Variants in PAPSS1 observed in about 807,000 individuals in gnomAD.
The protein encoded by PAPSS1 is bifunctional 3'-phosphoadenosine 5'-phosphosulfate synthase 1.
Under a neutral mutation model 72.0 loss-of-function variants are expected in PAPSS1, and 50 were observed. The observed-to-expected ratio is 0.69, with a 90% CI of 0.55 to 0.88. The LOEUF (loss-of-function observed/expected upper bound fraction) is 0.88. Among genes scored for constraint, PAPSS1 ranks in the 40% least tolerant of loss-of-function variants. The pLI is 0.00. For missense variants in PAPSS1, 657 were observed against 782.2 expected, an observed-to-expected ratio of 0.84 and a Z score of 1.91; for synonymous variants, 261 against 263.6, an observed-to-expected ratio of 0.99 and a Z score of 0.09.
chr4:107,713,877 C>T (rs1002888757), intron 1 of PAPSS1, among the ~76,000 whole-genome samples: 3 of 152,212 alleles, frequency 2.0e-5, no homozygotes, highest in Non-Finnish European at 4.4e-5. Context: ...TGCATTCATC[C>T]AAAGACAGAT....
rs771111890 is a variant in PAPSS1 at position 107,644,953 on chromosome 4, TGGA to T, written c.1352_1354del (p.Leu451del). The stretch of plus-strand genomic sequence containing the variant: ...ATCCTTTGTCCAGCCACCCAGAGGG[TGGA>T]GGAGGAGGACAGGGCGCCGGTAGCC... On this transcript the variant is annotated inframe_deletion, in exon 10 of 12. Transcript: ENST00000265174. 7 of 1,613,806 alleles carry T rather than the reference TGGA, an allele frequency of 4.3e-6. No homozygotes were observed. The highest frequency in any genetic ancestry group is 2.7e-5 in the African/African-American group (2 of 74,968).
At chr4:107,653,464 T>C (rs1372116309) in intron 9 of PAPSS1, 27 bp downstream of exon 9, 1 of 1,602,588 alleles carries the variant, frequency 6.2e-7, no homozygotes, top group Admixed American at 1.7e-5. Context: ...AGCCGGCCTA[T>C]ATTAGGTAAT....
intron 11 of PAPSS1, among the ~76,000 whole-genome samples, chr4:107,617,160 G>C (rs1725845144): frequency 6.7e-6 from 1 of 150,196 alleles, no homozygotes; most frequent in Admixed American, 6.6e-5. Context: ...TTTGTTATCT[G>C]TGTGCTCAAT....
At chr4:107,690,248 T>A (rs1029574048) in intron 3 of PAPSS1, among the ~76,000 whole-genome samples, 1 of 152,194 alleles carries the variant, frequency 6.6e-6, no homozygotes, top group African/African-American at 2.4e-5. Context: ...ACCTAGCCTC[T>A]GCAAATTGAT....
intron 2 of PAPSS1, among the ~76,000 whole-genome samples, chr4:107,699,797 A>G (rs1723163670): frequency 6.6e-6 from 1 of 152,202 alleles, no homozygotes; most frequent in African/African-American, 2.4e-5. Flanking sequence ...GAAAGTATGA[A>G]CCAAATATAT....
chr4:107,708,876 GACAA>G lies in PAPSS1; in HGVS notation c.61-7595_61-7592del, dbSNP rs561679648. On this transcript the variant is annotated intron_variant, in intron 1 of 11. Transcript: ENST00000265174. ...TATGTACTAAACTAACCTAGCTGGA[GACAA>G]ACAGACTGTATCCACCCTTGTGCCA... Among the ~76,000 whole-genome samples the G allele has an allele frequency of 9.8e-5, 15 of 152,350 alleles. No homozygotes were observed. The South Asian group carries it at 2.9e-3, about 29-fold the overall frequency.
At chr4:107,689,225 C>T (rs957121182) in intron 3 of PAPSS1, among the ~76,000 whole-genome samples, 19 of 152,148 alleles carry the variant, frequency 1.2e-4, no homozygotes, top group African/African-American at 4.3e-4. Flanking sequence ...GGGTAAAATC[C>T]GAGTTTCTTA....
intron 11 of PAPSS1, 54 bp downstream of exon 11, chr4:107,631,577 A>G: frequency 8.1e-7 from 1 of 1,241,252 alleles, no homozygotes; most frequent in Non-Finnish European, 1.2e-6. Context: ...AATCCCTGGG[A>G]GCAGCTAGAC....
intron 2 of PAPSS1, among the ~76,000 whole-genome samples, chr4:107,698,146 CA>C (rs1189009578): frequency 1.3e-5 from 2 of 152,026 alleles, no homozygotes; most frequent in Non-Finnish European, 2.9e-5. Flanking sequence ...TGTAGAAACA[CA>C]AAACAACAAA....
chr4:107,621,500 T>C (rs1041050004), intron 11 of PAPSS1, among the ~76,000 whole-genome samples: 1 of 151,824 alleles, frequency 6.6e-6, no homozygotes. Flanking sequence ...GTTGACCTCT[T>C]AGGGGGCACT....
chr4:107,702,569 G>A (rs971937927), intron 1 of PAPSS1, among the ~76,000 whole-genome samples: 5 of 152,044 alleles, frequency 3.3e-5, no homozygotes, highest in Non-Finnish European at 7.3e-5. Flanking sequence ...TTCTACAGGT[G>A]CAACTTTTTT....
chr4:107,660,511 C>T (rs1049042012), intron 5 of PAPSS1, among the ~76,000 whole-genome samples: 3 of 152,154 alleles, frequency 2.0e-5, no homozygotes, highest in Non-Finnish European at 4.4e-5. Flanking sequence ...ACCCAAGCAA[C>T]ACGGTATTCT....
At chr4:107,636,011 G>A (rs2726142) in intron 10 of PAPSS1, among the ~76,000 whole-genome samples, 10,669 of 152,162 alleles carry the variant, frequency 0.07, 410 homozygotes, top group East Asian at 0.1. Flanking sequence ...GCATGTGAGT[G>A]CACAGTGATT....
intron 5 of PAPSS1, among the ~76,000 whole-genome samples, chr4:107,675,866 A>T (rs1024232512): frequency 6.6e-6 from 1 of 152,234 alleles, no homozygotes; most frequent in Non-Finnish European, 1.5e-5. Context: ...CCTGGGATGC[A>T]AGGCTGGTTC....
At chr4:107,716,677 T>A (rs527259543) in intron 1 of PAPSS1, among the ~76,000 whole-genome samples, 17 of 137,710 alleles carry the variant, frequency 1.2e-4, no homozygotes, top group Non-Finnish European at 2.3e-4. Flanking sequence ...TTCAATTGGA[T>A]AGAAAATGAT....
At chr4:107,655,775 A>G (rs1275842206) in intron 7 of PAPSS1, among the ~76,000 whole-genome samples, 2 of 152,222 alleles carry the variant, frequency 1.3e-5, no homozygotes, top group African/African-American at 4.8e-5. Context: ...GAATAGGTAG[A>G]TTTGCACCAA....
rs185425650 is a variant in PAPSS1, at chr4:107,644,662, G to A, written c.1506+140C>T. On this transcript the variant is annotated intron_variant, in intron 10 of 11. Coordinates refer to ENST00000265174, the MANE Select transcript of PAPSS1 (RefSeq NM_005443.5). Reference sequence around the variant, plus strand: ...CTAGCATCCAGGGAATATCCCTAACGAGCAGGAAAGAATGTCATGTATAAC... The same window carrying A: ...CTAGCATCCAGGGAATATCCCTAACAAGCAGGAAAGAATGTCATGTATAAC... 1.6e-5 allele frequency: 12 copies of A among 764,384 alleles called. No homozygotes were observed. In the Admixed American group the frequency reaches 2.2e-4, roughly 14 times the overall value. 47.4% of individuals were successfully genotyped at this position (764,384 alleles called of 1,614,324 possible).
At chr4:107,652,176 T>A (rs1726857851) in intron 9 of PAPSS1, among the ~76,000 whole-genome samples, 1 of 152,090 alleles carries the variant, frequency 6.6e-6, no homozygotes, top group Non-Finnish European at 1.5e-5. Flanking sequence ...ACCACATCCA[T>A]CTGATTTCTA....
chr4:107,693,958 T>C lies in PAPSS1; in HGVS notation c.224A>G (p.Tyr75Cys), dbSNP rs1425440817. ...GCATGGAATACCATGACAAACCAGG[T>C]ACTCCTCCAAGGCCATGCTCACAGT... ...KTTVSMALEE[Y>C]LVCHGIPCYT... is the part of the protein sequence containing the mutation. The change falls in exon 3 of 12, where the codon TAC (tyrosine) becomes TGC (cysteine). Residue 75 changes from tyrosine (Y) to cysteine (C), a missense_variant. Tyr to Cys is a radical substitution (Grantham distance 194). This residue lies in a region of PAPSS1 where 119 missense variants were observed against 171.1 expected (regional missense o/e 0.70). Coordinates refer to ENST00000265174, the MANE Select transcript of PAPSS1 (RefSeq NM_005443.5). The C allele has an allele frequency of 2.5e-6, 4 of 1,613,660 alleles. No homozygotes were observed. Among genetic ancestry groups the C allele is most frequent in the Non-Finnish European group, 3.4e-6 (4 of 1,179,838 alleles).
Sources: allele counts gnomAD v4.1 joint callset (sites outside exome capture counted in the v4.1 genomes callset), GRCh38; gene constraint gnomAD v4.1.1; regional missense constraint gnomAD v4.1.1; transcripts MANE v1.5; gene names NCBI Gene and HGNC (gene_info 2026-07-23, HGNC 2026-07-21).